USP35: variants seen among roughly 807,000 people sequenced by gnomAD.
USP35 encodes the protein ubiquitin carboxyl-terminal hydrolase 35.
A neutral mutation model predicts 83.8 loss-of-function variants in USP35; 69 were observed. The ratio of observed to expected loss-of-function variants is 0.82; its 90% confidence interval spans 0.68 to 1.01. The LOEUF (loss-of-function observed/expected upper bound fraction) is 1.01. Among genes scored for constraint, USP35 ranks in the 50% least tolerant of loss-of-function variants. The probability of loss-of-function intolerance (pLI) is 0.00; values close to 1 mark genes in which losing one functional copy is unlikely to be tolerated. For synonymous variants in USP35, 714 were observed against 589.5 expected, an observed-to-expected ratio of 1.21 and a Z score of -3.06; for missense variants, 1,503 against 1,362.5, an observed-to-expected ratio of 1.10 and a Z score of -1.62.
rs891256444 is a variant in USP35 at position 78,214,426 on chromosome 11, CCCACAGCCCCT to C, written c.*618_*628del. 2.1e-5 allele frequency: 3 copies of C among 142,480 alleles called. No homozygotes were observed. Among genetic ancestry groups the C allele is most frequent in the Non-Finnish European group, 4.6e-5 (3 of 65,314 alleles). 8.8% of individuals were successfully genotyped at this position (142,480 alleles called of 1,614,324 possible). ...CTTCTCACAGCAGGAGGCCTTTGCCCCCACAGCCCCTCCACGCCTGCCTCAGGGCCTGAGAA... is the reference window on the plus strand; with the variant it reads ...CTTCTCACAGCAGGAGGCCTTTGCCCCCACGCCTGCCTCAGGGCCTGAGAA... On this transcript the variant is annotated 3_prime_UTR_variant, in exon 11 of 11. Transcript: ENST00000529308.
At chr11:78,223,658 C>A in the USP35 span, 3 of 1,601,276 alleles carry the variant, frequency 1.9e-6, no homozygotes, top group Non-Finnish European at 2.6e-6. Context: ...TCCGATCGGC[C>A]CACAATCATT....
intron 3 of USP35, 192 bp from the exon 4 acceptor site, chr11:78,199,403 G>T: frequency 1.3e-6 from 1 of 781,374 alleles, no homozygotes; most frequent in Admixed American, 2.6e-5. Flanking sequence ...GAGCCTCAGT[G>T]TCTGGCAGGT....
At chr11:78,224,782 G>C in the USP35 span, among the ~76,000 whole-genome samples, 2 of 152,048 alleles carry the variant, frequency 1.3e-5, no homozygotes. Context: ...TCCTGCATGT[G>C]AGGCCACGTG....
the USP35 span, among the ~76,000 whole-genome samples, chr11:78,235,849 A>G: frequency 1.3e-5 from 2 of 152,146 alleles, no homozygotes; most frequent in African/African-American, 4.8e-5. Flanking sequence ...GAGCCCTCCA[A>G]ACTGTTCCAA....
chr11:78,211,681 G>A (rs933368076), intron 10 of USP35, among the ~76,000 whole-genome samples: 2 of 152,228 alleles, frequency 1.3e-5, no homozygotes, highest in Non-Finnish European at 2.9e-5. Flanking sequence ...TTGTGGTTTT[G>A]ATTTCTCTAA....
Position 78,214,965 on chromosome 11 carries a change from C to A in USP35, c.*1152C>A, listed in dbSNP as rs577962769. Among the ~76,000 whole-genome samples the A allele has an allele frequency of 1.3e-5, 2 of 152,148 alleles. No individual in the cohort carries two copies. The highest frequency in any genetic ancestry group is 2.9e-5 in the Non-Finnish European group (2 of 68,020). The stretch of plus-strand genomic sequence containing the variant: ...GAGGCAGCTCTCAAGCCTTTACCTA[C>A]CTCCTTCCCCAGGGGCTGCCTGCTG... On this transcript the variant is annotated 3_prime_UTR_variant, in exon 11 of 11. Transcript: ENST00000529308.
downstream of USP35, chr11:78,216,798 TAAA>T (rs2134442489): frequency 6.6e-6 from 1 of 152,362 alleles, no homozygotes; most frequent in South Asian, 2.1e-4. Flanking sequence ...AGGCACCAGT[TAAA>T]AGCTCTGTCG....
chr11:78,210,811 T>TA (rs1463335323), intron 10 of USP35, 67 bp downstream of exon 10: 29 of 1,450,744 alleles, frequency 2.0e-5, no homozygotes, highest in Non-Finnish European at 2.5e-5. Flanking sequence ...ACTACTGGCT[T>TA]AGATAAGTCA....
chr11:78,202,443 G>A (rs1863384630), intron 6 of USP35, among the ~76,000 whole-genome samples: 1 of 152,110 alleles, frequency 6.6e-6, no homozygotes, highest in Non-Finnish European at 1.5e-5. Context: ...TTTGGGGGTT[G>A]TGGCCCTTCC....
the USP35 span, among the ~76,000 whole-genome samples, chr11:78,224,073 C>T: frequency 6.6e-6 from 1 of 151,974 alleles, no homozygotes; most frequent in Non-Finnish European, 1.5e-5. Context: ...CAGAGTGAGA[C>T]TCTGTTTCAA....
chr11:78,220,121 T>G (rs1434428660), downstream of USP35, among the ~76,000 whole-genome samples: 3 of 152,186 alleles, frequency 2.0e-5, no homozygotes, highest in Non-Finnish European at 4.4e-5. Context: ...CTGAGGGTAC[T>G]GTGCTCTGAG....
Position 78,213,688 on chromosome 11 carries a change from G to GCACT in USP35, c.2934_2937dup (p.Pro980ThrfsTer12). 1.3e-6 allele frequency: 2 copies of GCACT among 1,522,944 alleles called. No homozygotes were observed. The highest frequency in any genetic ancestry group is 5.2e-5 in the East Asian group (2 of 38,166). The allele number at this position is 1,522,944 out of a possible 1,614,324, so 94.3% of individuals were successfully genotyped here. ...CCGGAGCAGGGCGGCCTACATCTCT[G>GCACT]CACTCCCCACATCTCCGCACTGGGG... is the stretch of plus-strand genomic sequence containing the variant. On this transcript the variant is annotated frameshift_variant, in exon 11 of 11. Transcript: ENST00000529308. LOFTEE classifies it high-confidence loss of function.
At chr11:78,208,498 G>T (rs1863606644) in intron 8 of USP35, among the ~76,000 whole-genome samples, 1 of 152,218 alleles carries the variant, frequency 6.6e-6, no homozygotes. Context: ...AAAGGTCAGT[G>T]AGGGAGGGTT....
At position 78,196,968 on chromosome 11, in the gene USP35, G is replaced by A; in HGVS notation, c.673+50G>A. The A allele has an allele frequency of 7.0e-7, 1 of 1,425,064 alleles. No individual in the cohort carries two copies. The highest frequency in any genetic ancestry group is 9.1e-7 in the Non-Finnish European group (1 of 1,094,358). 88.3% of individuals were successfully genotyped at this position (1,425,064 alleles called of 1,614,324 possible). A position where few individuals can be genotyped will look rare whatever the true frequency, so the allele number is the denominator to read the frequency against. On this transcript the variant is annotated intron_variant, in intron 2 of 10. Transcript: ENST00000529308. The surrounding 1 kb of genome is among the most constrained non-coding windows in gnomAD (Gnocchi z 4.8). ...CGCGGGCATGCGGAGGTCCTGGGTGGGCGCTTGGGTAGGTGGCTGTACGTG... is the reference window on the plus strand; with the variant it reads ...CGCGGGCATGCGGAGGTCCTGGGTGAGCGCTTGGGTAGGTGGCTGTACGTG...
the USP35 span, chr11:78,222,140 G>A: frequency 3.7e-6 from 6 of 1,613,752 alleles, no homozygotes; most frequent in African/African-American, 8.0e-5. Context: ...TAGGTGACTT[G>A]AAGGGGAGTT....
chr11:78,200,627 C>G (rs1214076260), intron 5 of USP35, 23 bp from the exon 6 acceptor site: 1 of 1,591,678 alleles, frequency 6.3e-7, no homozygotes, highest in Non-Finnish European at 8.6e-7. Flanking sequence ...GGTGCTGAGC[C>G]TGACGCAGCT....
rs879617380 is a variant in USP35 at position 78,197,933 on chromosome 11, C to T, written c.674-3C>T. The T allele has an allele frequency of 6.2e-7, 1 of 1,613,932 alleles. No homozygotes were observed. ...CTAAGCTCAGCCCTGTCCCCTGTTC[C>T]AGAGGAGGAGCCACCATCTAGCGCC... On this transcript the variant is annotated splice_polypyrimidine_tract_variant and splice_region_variant and intron_variant, in intron 2 of 10. Transcript: ENST00000529308.
At chr11:78,199,965 G>C (rs1284884846) in intron 4 of USP35, among the ~76,000 whole-genome samples, 168 bp from the exon 5 acceptor site, 1 of 152,184 alleles carries the variant, frequency 6.6e-6, no homozygotes, top group South Asian at 2.1e-4. Context: ...CTATGTTGCT[G>C]TCCATCTCAC....
the USP35 span, chr11:78,223,592 A>G: frequency 1.2e-6 from 2 of 1,613,564 alleles, no homozygotes; most frequent in Non-Finnish European, 1.7e-6. Context: ...TCCATGGCCA[A>G]CAGGGTGGAA....
Sources: gnomAD v4.1 joint callset for allele counts (sites outside exome capture counted in the v4.1 genomes callset) on GRCh38, gnomAD v4.1.1 for gene constraint, Gnocchi (gnomAD v3.1) non-coding constraint, MANE v1.5 for transcripts, NCBI Gene and HGNC (gene_info 2026-07-23, HGNC 2026-07-21) for gene names.